Variants in CABLES1 observed in about 807,000 individuals in gnomAD.
CABLES1 encodes the protein Cdk5 and Abl enzyme substrate 1.
A neutral mutation model predicts 57.8 loss-of-function variants in CABLES1; 36 were observed. The observed-to-expected ratio is 0.62, with a 90% CI of 0.48 to 0.82. The LOEUF (loss-of-function observed/expected upper bound fraction) is 0.82, where lower values mean the gene tolerates loss of function less well. Ranked by LOEUF, CABLES1 falls within the 40% of genes least tolerant of loss-of-function variation. CABLES1 has a pLI of 0.00. For missense variants in CABLES1, 767 were observed against 836.6 expected (o/e 0.92, Z 1.03); for synonymous variants, 374 against 363.0 (o/e 1.03, Z -0.35).
intron 1 of CABLES1, among the ~76,000 whole-genome samples, chr18:23,144,800 A>G (rs2046880833): frequency 6.6e-6 from 1 of 152,178 alleles, no homozygotes; most frequent in Admixed American, 6.5e-5. Context: ...GGTTGCTGAA[A>G]TCGGTTGTGG....
intron 4 of CABLES1, among the ~76,000 whole-genome samples, chr18:23,224,179 A>G (rs1026215252): frequency 2.0e-5 from 3 of 151,144 alleles, no homozygotes; most frequent in Non-Finnish European, 4.4e-5. Context: ...TAGAATTCCA[A>G]TAAATAAAAC....
rs77282312 is a variant in CABLES1, at chr18:23,236,721, G to A, written c.1343-421G>A. On this transcript the variant is annotated intron_variant, in intron 6 of 9. Coordinates refer to ENST00000256925, the MANE Select transcript of CABLES1 (RefSeq NM_001100619.3). The stretch of plus-strand genomic sequence containing the variant: ...TGGCCGCTCTGATTTGTATTCATAC[G>A]GACACAATAGCATGCCTGGAAGTAT... Among the ~76,000 whole-genome samples, 620 of 152,214 alleles carry A rather than the reference G, an allele frequency of 4.1e-3. 6 individuals are homozygous for A. The highest frequency in any genetic ancestry group is 0.014 in the African/African-American group (580 of 41,512).
chr18:23,227,338 A>C (rs1284694264), intron 4 of CABLES1, among the ~76,000 whole-genome samples: 1 of 152,172 alleles, frequency 6.6e-6, no homozygotes, highest in East Asian at 1.9e-4. Context: ...GCATATTCCC[A>C]CACAGAGACA....
intron 1 of CABLES1, among the ~76,000 whole-genome samples, chr18:23,157,953 A>G (rs1225109582): frequency 6.6e-6 from 1 of 152,142 alleles, no homozygotes; most frequent in Non-Finnish European, 1.5e-5. Flanking sequence ...AAAGTAAAAC[A>G]TTTCCGATCC....
At chr18:23,222,090 CCTT>C in intron 4 of CABLES1, among the ~76,000 whole-genome samples, 2 of 152,328 alleles carry the variant, frequency 1.3e-5, no homozygotes, top group Admixed American at 1.3e-4. Flanking sequence ...CTTAAAACCT[CCTT>C]TGTGGTCCCC....
At chr18:23,141,548 G>A (rs958833436) in intron 1 of CABLES1, among the ~76,000 whole-genome samples, 1 of 152,246 alleles carries the variant, frequency 6.6e-6, no homozygotes, top group African/African-American at 2.4e-5. Context: ...GCAAACACAA[G>A]TTATTGCTGA....
intron 7 of CABLES1, among the ~76,000 whole-genome samples, chr18:23,239,333 T>C (rs149015486): frequency 6.1e-4 from 93 of 152,378 alleles, no homozygotes; most frequent in Middle Eastern, 6.8e-3. Context: ...GAATTGCGCA[T>C]GGACTGCATT....
chr18:23,165,448 T>C (rs1271454262), intron 1 of CABLES1, among the ~76,000 whole-genome samples: 2 of 152,088 alleles, frequency 1.3e-5, no homozygotes, highest in East Asian at 1.9e-4. Flanking sequence ...ACATTCACAT[T>C]GTTCTGCATC....
At chr18:23,254,823 C>CT (rs2048123271) in intron 9 of CABLES1, among the ~76,000 whole-genome samples, 4 of 152,198 alleles carry the variant, frequency 2.6e-5, no homozygotes, top group Non-Finnish European at 5.9e-5. Context: ...CCAAAGGCCC[C>CT]ATCTCCTAAT....
At chr18:23,164,514 T>A (rs1207521181) in intron 1 of CABLES1, among the ~76,000 whole-genome samples, 1 of 152,088 alleles carries the variant, frequency 6.6e-6, no homozygotes, top group Non-Finnish European at 1.5e-5. Context: ...ATTCTTTTCC[T>A]ATGTTAAGTG....
intron 1 of CABLES1, among the ~76,000 whole-genome samples, chr18:23,180,351 A>C (rs980389591): frequency 6.6e-6 from 1 of 152,200 alleles, no homozygotes; most frequent in African/African-American, 2.4e-5. Context: ...TGTGAGGAGC[A>C]GGCTGATGGT....
Position 23,200,416 on chromosome 18 carries a change from T to C in CABLES1, c.1010+5876T>C, listed in dbSNP as rs139603452. 5.6e-3 allele frequency among the ~76,000 whole-genome samples: 853 copies of C among 152,150 alleles called. 8 individuals carry two copies. The highest frequency in any genetic ancestry group is 0.027 in the Middle Eastern group (8 of 292). On this transcript the variant is annotated intron_variant, in intron 3 of 9. Transcript: ENST00000256925. ...CTGGGACTACAGGCACCCGCCACCA[T>C]GCCCAGCTAATTTTTTTATACTTTT...
At chr18:23,179,852 CTT>C (rs1280507085) in intron 1 of CABLES1, among the ~76,000 whole-genome samples, 1 of 152,184 alleles carries the variant, frequency 6.6e-6, no homozygotes, top group Non-Finnish European at 1.5e-5. Flanking sequence ...TAGCAGCTGA[CTT>C]TTTTTTCTTC....
chr18:23,238,025 C>T (rs539726651), intron 7 of CABLES1, among the ~76,000 whole-genome samples: 8 of 151,952 alleles, frequency 5.3e-5, no homozygotes, highest in Admixed American at 4.6e-4. Flanking sequence ...GCCCCCACCA[C>T]CTCCCTGCGT....
intron 2 of CABLES1, among the ~76,000 whole-genome samples, chr18:23,191,906 T>TAAAAAAAA: frequency 1.2e-5 from 1 of 82,616 alleles, no homozygotes; most frequent in Non-Finnish European, 2.3e-5. Flanking sequence ...GTTGAATGCT[T>TAAAAAAAA]AAAAAAAAAA....
intron 1 of CABLES1, among the ~76,000 whole-genome samples, chr18:23,165,518 CCT>C (rs2047036160): frequency 6.6e-6 from 1 of 151,658 alleles, no homozygotes; most frequent in African/African-American, 2.4e-5. Context: ...TAAATAGCCC[CCT>C]GTTCCTCCTG....
chr18:23,202,201 A>G (rs1440097148), intron 3 of CABLES1, among the ~76,000 whole-genome samples: 2 of 152,230 alleles, frequency 1.3e-5, no homozygotes, highest in Non-Finnish European at 2.9e-5. Flanking sequence ...CTGGGTGACC[A>G]AAAGTCAGGG....
At chr18:23,137,040 AC>A (rs1397459351) in intron 1 of CABLES1, among the ~76,000 whole-genome samples, 1 of 152,178 alleles carries the variant, frequency 6.6e-6, no homozygotes, top group African/African-American at 2.4e-5. Context: ...GTGAGCCTGA[AC>A]TTGTAGCAGA....
At chr18:23,137,179 C>A (rs1011247255) in intron 1 of CABLES1, among the ~76,000 whole-genome samples, 1 of 152,142 alleles carries the variant, frequency 6.6e-6, no homozygotes, top group Admixed American at 6.5e-5. Context: ...CCAACTAGGC[C>A]TAGGGGGGTG....
Sources: allele counts gnomAD v4.1 joint callset (sites outside exome capture counted in the v4.1 genomes callset), GRCh38; gene constraint gnomAD v4.1.1; transcripts MANE v1.5; gene names NCBI Gene and HGNC (gene_info 2026-07-23, HGNC 2026-07-21).